The following KLHDC4 variants were observed in gnomAD, a reference collection of about 807,000 sequenced individuals.
KLHDC4 encodes the protein kelch domain-containing protein 4.
In KLHDC4, 90 loss-of-function variants were observed where a neutral mutation model predicts 62.4. The ratio of observed to expected loss-of-function variants is 1.44; its 90% CI spans 1.22 to 1.72. The LOEUF is 1.72. KLHDC4 is among the 40% of genes most tolerant of loss of function. The pLI is 0.00. For synonymous variants in KLHDC4, 386 were observed against 284.4 expected (o/e 1.36, Z -3.59); for missense variants, 1,025 against 699.7 (o/e 1.47, Z -5.25).
chr16:87,725,445 G>T (rs868142719), intron 7 of KLHDC4, among the ~76,000 whole-genome samples: 1 of 152,192 alleles, frequency 6.6e-6, no homozygotes, highest in African/African-American at 2.4e-5. Flanking sequence ...GATTACAGGC[G>T]TGAGCCACCG....
chr16:87,761,767 T>A (rs999755640), intron 2 of KLHDC4, among the ~76,000 whole-genome samples, 182 bp downstream of exon 2: 1 of 152,164 alleles, frequency 6.6e-6, no homozygotes, highest in African/African-American at 2.4e-5. Flanking sequence ...GCTCCCAGGT[T>A]CCATGACAGT....
downstream of KLHDC4, chr16:87,707,762 G>C (rs1339941932): frequency 3.1e-6 from 1 of 325,500 alleles, no homozygotes. Flanking sequence ...AGAGGCCCCG[G>C]GAAGACTGCG....
At chr16:87,706,320 G>A (rs1341035213), downstream of KLHDC4, among the ~76,000 whole-genome samples, 2 of 137,040 alleles carry the variant, frequency 1.5e-5, no homozygotes, top group East Asian at 4.7e-4. Flanking sequence ...ACAAGCTGCA[G>A]CCCTCGGAGA....
At chr16:87,738,214 C>T (rs1393425721) in intron 5 of KLHDC4, among the ~76,000 whole-genome samples, 8 of 152,126 alleles carry the variant, frequency 5.3e-5, no homozygotes, top group Admixed American at 4.6e-4. Flanking sequence ...ACTACAGAAT[C>T]GTAAAGTAAC....
chr16:87,733,925 CG>C (rs2143006831), intron 5 of KLHDC4, among the ~76,000 whole-genome samples: 1 of 152,366 alleles, frequency 6.6e-6, no homozygotes, highest in Admixed American at 6.5e-5. Flanking sequence ...GCTTCAATCA[CG>C]CAAGTCAGTG....
intron 7 of KLHDC4, among the ~76,000 whole-genome samples, chr16:87,722,196 G>C (rs1171657730): frequency 1.3e-5 from 2 of 152,230 alleles, no homozygotes; most frequent in African/African-American, 4.8e-5. Flanking sequence ...CAAAGCACTA[G>C]CTGGACCCAG....
chr16:87,733,091 G>A (rs980192371), intron 5 of KLHDC4, among the ~76,000 whole-genome samples: 9 of 147,658 alleles, frequency 6.1e-5, no homozygotes, highest in Non-Finnish European at 1.0e-4. Flanking sequence ...GAAAAGGCAG[G>A]TGCAAAGCAA....
intron 10 of KLHDC4, 94 bp from the exon 11 acceptor site, chr16:87,708,560 C>T: frequency 1.2e-6 from 1 of 801,726 alleles, no homozygotes; most frequent in Non-Finnish European, 1.8e-6. Context: ...TGGGGGGATT[C>T]CATTTTCTTA....
At position 87,757,853 on chromosome 16, in the gene KLHDC4, T is replaced by C. The variant is rs150068168; in HGVS notation, c.192-1376A>G. ...GCTGCAGTGAGCCAGGATTGCATCA[T>C]TGCACTCCATCCTGGGAGACAGAGC... On this transcript the variant is annotated intron_variant, in intron 2 of 11. Transcript: ENST00000270583. Among the ~76,000 whole-genome samples the C allele has an allele frequency of 2.9e-3, 440 of 152,118 alleles. 3 individuals carry two copies. The highest frequency in any genetic ancestry group is 8.8e-3 in the African/African-American group (366 of 41,482).
chr16:87,755,191 T>C lies in KLHDC4; in HGVS notation c.369+3A>G, dbSNP rs1482729599. On this transcript the variant is annotated splice_donor_region_variant and intron_variant, in intron 4 of 11. Transcript: ENST00000270583. ...GGTGGCTGAGAGTCAGTGCTGACAT[T>C]ACCTGGTGAGCACAGCGCCTCGGAG... 3.1e-6 allele frequency: 5 copies of C among 1,598,248 alleles called. No homozygotes were observed. The East Asian group carries it at 6.7e-5, about 21-fold the overall frequency.
intron 5 of KLHDC4, among the ~76,000 whole-genome samples, chr16:87,747,229 G>C (rs1441417536): frequency 6.6e-6 from 1 of 152,206 alleles, no homozygotes; most frequent in Admixed American, 6.5e-5. Flanking sequence ...GCTGGGTTGG[G>C]TGCTGGGTTA....
chr16:87,711,149 C>A, intron 9 of KLHDC4, 86 bp downstream of exon 9: 4 of 1,455,864 alleles, frequency 2.7e-6, no homozygotes, highest in South Asian at 2.4e-5. Context: ...GCCCCAATAC[C>A]AAAAGGTGCT....
At chr16:87,729,379 G>C (rs1005662622) in intron 6 of KLHDC4, 3 of 152,196 alleles carry the variant, frequency 2.0e-5, no homozygotes, top group African/African-American at 7.2e-5. Flanking sequence ...GGGACCAGTA[G>C]AGAAAGAGGG....
Position 87,756,284 on chromosome 16 carries a change from C to T in KLHDC4, c.270+115G>A, listed in dbSNP as rs149007269. 96 of 759,356 alleles carry T rather than the reference C, an allele frequency of 1.3e-4. No individual in the cohort carries two copies. The African/African-American group carries it at 1.4e-3, about 11-fold the overall frequency. The allele number at this position is 759,356 out of a possible 1,614,324, so 47.0% of individuals were successfully genotyped here. A position where few individuals can be genotyped will look rare whatever the true frequency, so the allele number is the denominator to read the frequency against. The stretch of plus-strand genomic sequence containing the variant: ...CACATCAGGCCTGACGGCTCAAGCG[C>T]GTGATACAAGGGGTGAAGGGGCTAA... On this transcript the variant is annotated intron_variant, in intron 3 of 11. Coordinates refer to ENST00000270583, the MANE Select transcript of KLHDC4 (RefSeq NM_017566.4).
At chr16:87,737,078 T>C (rs898539895) in intron 5 of KLHDC4, among the ~76,000 whole-genome samples, 11 of 115,992 alleles carry the variant, frequency 9.5e-5, no homozygotes, top group Admixed American at 2.5e-4. Context: ...TGACCCGAGA[T>C]GGCGCCTTTG....
rs570297816 is a variant in KLHDC4, at chr16:87,743,611, G to A, written c.506+5062C>T. Among the ~76,000 whole-genome samples the A allele has an allele frequency of 1.3e-4, 20 of 150,558 alleles. 2 individuals carry two copies. The South Asian group carries it at 3.4e-3, about 25-fold the overall frequency. The stretch of plus-strand genomic sequence containing the variant: ...AAATATTAGCCAGGCGTGGTGGCGG[G>A]CGCCTGTAGTCCCAGCTACTCGGGA... On this transcript the variant is annotated intron_variant, in intron 5 of 11. Transcript: ENST00000270583.
chr16:87,756,852 C>T (rs2045023852), intron 2 of KLHDC4, among the ~76,000 whole-genome samples: 1 of 151,628 alleles, frequency 6.6e-6, no homozygotes. Flanking sequence ...TCCCTCTTGT[C>T]ACCCAGGCTG....
downstream of KLHDC4, chr16:87,707,794 A>G (rs2034936760): frequency 2.7e-6 from 1 of 373,274 alleles, no homozygotes; most frequent in South Asian, 2.0e-5. Flanking sequence ...GCCACACAGA[A>G]GACACCCTCC....
intron 8 of KLHDC4, 80 bp downstream of exon 8, chr16:87,714,418 C>A: frequency 6.3e-7 from 1 of 1,588,812 alleles, no homozygotes; most frequent in Non-Finnish European, 8.6e-7. Flanking sequence ...GCCAGCCCCA[C>A]ATCCATGGGA....
Sources: allele counts gnomAD v4.1 joint callset (sites outside exome capture counted in the v4.1 genomes callset), GRCh38; gene constraint gnomAD v4.1.1; transcripts MANE v1.5; gene names NCBI Gene and HGNC (gene_info 2026-07-23, HGNC 2026-07-21).